Variants in CRYBG1 observed in about 807,000 individuals in gnomAD.
The protein encoded by CRYBG1 is crystallin beta-gamma domain containing 1, also known as beta/gamma crystallin domain-containing protein 1.
In CRYBG1, 139 loss-of-function variants were observed where a neutral mutation model predicts 189.2. The observed-to-expected ratio is 0.73, with a 90% CI of 0.64 to 0.85. The LOEUF (loss-of-function observed/expected upper bound fraction) is 0.85, where lower values mean the gene tolerates loss of function less well. Among genes scored for constraint, CRYBG1 ranks in the 40% least tolerant of loss-of-function variants. The pLI, the probability that CRYBG1 is intolerant of heterozygous loss-of-function variation, is 0.00. For synonymous variants in CRYBG1, 1,023 were observed against 1,017.1 expected, an observed-to-expected ratio of 1.01 and a Z score of -0.11; for missense variants, 2,611 against 2,675.8, an observed-to-expected ratio of 0.98 and a Z score of 0.53.
chr6:106,509,237 G>T (rs189741435), intron 2 of CRYBG1, among the ~76,000 whole-genome samples: 5 of 152,276 alleles, frequency 3.3e-5, no homozygotes, highest in Non-Finnish European at 7.4e-5. Flanking sequence ...CTACCTAGCT[G>T]TTGGGAAGAT....
intron 1 of CRYBG1, among the ~76,000 whole-genome samples, chr6:106,364,931 C>T (rs1771953000): frequency 6.6e-6 from 1 of 152,186 alleles, no homozygotes; most frequent in Non-Finnish European, 1.5e-5. Context: ...TTCAAGTGCT[C>T]AGAACAGTGG....
chr6:106,399,209 A>G (rs1452717914), intron 1 of CRYBG1, among the ~76,000 whole-genome samples: 1 of 152,262 alleles, frequency 6.6e-6, no homozygotes, highest in Non-Finnish European at 1.5e-5. Context: ...CCTTTTGGTC[A>G]GCCCTTTGTT....
Position 106,432,840 on chromosome 6 carries a change from C to CTTTT in CRYBG1, c.174-18840_174-18837dup, listed in dbSNP as rs5878888. On this transcript the variant is annotated intron_variant, in intron 1 of 21. Transcript: ENST00000633556. ...ATACTATTTTCTTTTTCTTTTCTTTCTTTTTTTTTTTTTTTTTGAGACAGA... is the reference window on the plus strand; with the variant it reads ...ATACTATTTTCTTTTTCTTTTCTTTCTTTTTTTTTTTTTTTTTTTTTGAGACAGA... Among the ~76,000 whole-genome samples, 192 of 128,832 alleles carry CTTTT rather than the reference C, an allele frequency of 1.5e-3. 5 individuals are homozygous for CTTTT. The highest frequency in any genetic ancestry group is 2.2e-3 in the South Asian group (9 of 4,144). 84.5% of individuals were successfully genotyped at this position (128,832 alleles called of 152,430 possible).
At chr6:106,546,602 A>G (rs1278500987) in intron 13 of CRYBG1, among the ~76,000 whole-genome samples, 1 of 152,236 alleles carries the variant, frequency 6.6e-6, no homozygotes, top group Non-Finnish European at 1.5e-5. Flanking sequence ...CCATTTTGGC[A>G]GAGTATCAGT....
chr6:106,442,116 C>G (rs904741549), intron 1 of CRYBG1, among the ~76,000 whole-genome samples: 6 of 151,988 alleles, frequency 3.9e-5, no homozygotes, highest in Non-Finnish European at 8.8e-5. Flanking sequence ...AGTATATGAT[C>G]TATAAGAAAA....
At chr6:106,377,574 T>TA (rs1770192376) in intron 1 of CRYBG1, among the ~76,000 whole-genome samples, 1 of 146,754 alleles carries the variant, frequency 6.8e-6, no homozygotes, top group African/African-American at 2.6e-5. Context: ...GAGAGAATAT[T>TA]AAGGCTTATT....
At chr6:106,545,030 C>A (rs1774235470) in intron 13 of CRYBG1, 97 bp downstream of exon 13, 6 of 930,028 alleles carry the variant, frequency 6.5e-6, no homozygotes, top group Non-Finnish European at 9.6e-6. Context: ...ATTCAATACA[C>A]AAATATCTCA....
At chr6:106,541,970 G>A (rs1774140020) in intron 10 of CRYBG1, among the ~76,000 whole-genome samples, 1 of 151,940 alleles carries the variant, frequency 6.6e-6, no homozygotes, top group Non-Finnish European at 1.5e-5. Context: ...ACTTTTTTAA[G>A]ACAAACTTTC....
rs1025056005 is a variant in CRYBG1, at chr6:106,568,399, T to C, written c.6302-73T>C. The C allele has an allele frequency of 3.4e-6, 4 of 1,178,448 alleles. No individual in the cohort carries two copies. The African/African-American group carries it at 4.6e-5, about 13-fold the overall frequency. The allele number at this position is 1,178,448 out of a possible 1,614,324, so 73.0% of individuals were successfully genotyped here. A position where few individuals can be genotyped will look rare whatever the true frequency, so the allele number is the denominator to read the frequency against. On this transcript the variant is annotated intron_variant, in intron 21 of 21. Coordinates refer to ENST00000633556, the MANE Select transcript of CRYBG1 (RefSeq NM_001371242.2). Reference sequence around the variant, plus strand: ...CTTGCTTACTTTTGCTGTACTGGTGTTAGGGGAATTGTGTCTGCTATAGAC... The same window carrying C: ...CTTGCTTACTTTTGCTGTACTGGTGCTAGGGGAATTGTGTCTGCTATAGAC...
Position 106,520,203 on chromosome 6 carries a change from G to A in CRYBG1, c.2995G>A (p.Val999Ile), listed in dbSNP as rs185862711. 1.1e-4 allele frequency: 183 copies of A among 1,614,120 alleles called. No individual in the cohort carries two copies. The East Asian group carries it at 2.6e-3, about 23-fold the overall frequency. Residue 999 changes from valine (V) to isoleucine (I), a missense_variant, in exon 4 of 22, where the codon GTT becomes ATT. Physicochemically the swap from Val to Ile is conservative, Grantham distance 29. This residue lies in a region of CRYBG1 where 1,622 missense variants were observed against 1,735.0 expected (regional missense o/e 0.93). Transcript: ENST00000633556. ...CHSNEPEVVSVASCAPPQEEV... is the reference protein window; with the variant it reads ...CHSNEPEVVSIASCAPPQEEV... The stretch of plus-strand genomic sequence containing the variant: ...CAGTAATGAACCTGAAGTGGTTTCC[G>A]TTGCAAGTTGTGCTCCCCCACAAGA...
intron 3 of CRYBG1, among the ~76,000 whole-genome samples, chr6:106,514,611 C>T (rs1008479631): frequency 3.3e-5 from 5 of 152,148 alleles, no homozygotes; most frequent in African/African-American, 1.2e-4. Flanking sequence ...GCTAAAGCCT[C>T]CTAAATGTGA....
chr6:106,458,064 T>C (rs1771926683), intron 2 of CRYBG1, among the ~76,000 whole-genome samples: 2 of 152,264 alleles, frequency 1.3e-5, no homozygotes, highest in African/African-American at 4.8e-5. Context: ...TGTGTACTTT[T>C]TAATACTTTT....
chr6:106,486,996 C>T (rs9400018), intron 2 of CRYBG1, among the ~76,000 whole-genome samples: 18,633 of 151,942 alleles, frequency 0.12, 1,300 homozygotes, highest in East Asian at 0.27. Flanking sequence ...TTTTCTTTCT[C>T]TTTTTGTTGT....
At chr6:106,405,605 A>G (rs1189140091) in intron 1 of CRYBG1, among the ~76,000 whole-genome samples, 1 of 152,206 alleles carries the variant, frequency 6.6e-6, no homozygotes, top group Non-Finnish European at 1.5e-5. Flanking sequence ...ACCTTCCCGC[A>G]GGGGTCAGCA....
chr6:106,554,210 T>C (rs1180942851), intron 16 of CRYBG1, among the ~76,000 whole-genome samples: 2 of 152,224 alleles, frequency 1.3e-5, no homozygotes, highest in Non-Finnish European at 2.9e-5. Context: ...TTTAAGTCTC[T>C]TAATAATAGT....
chr6:106,409,476 C>G (rs1770885433), intron 1 of CRYBG1, among the ~76,000 whole-genome samples: 1 of 151,786 alleles, frequency 6.6e-6, no homozygotes, highest in African/African-American at 2.4e-5. Context: ...GAATGCTATT[C>G]CCATCAAGTT....
At chr6:106,370,623 G>A (rs540822727) in intron 1 of CRYBG1, among the ~76,000 whole-genome samples, 2 of 152,238 alleles carry the variant, frequency 1.3e-5, no homozygotes, top group African/African-American at 4.8e-5. Context: ...GGCTTATAAG[G>A]GTTCTGTGAA....
chr6:106,499,319 A>AT (rs1162297886), intron 2 of CRYBG1, among the ~76,000 whole-genome samples: 34,341 of 122,436 alleles, frequency 0.28, 5,152 homozygotes, highest in African/African-American at 0.37. Flanking sequence ...CACCCGGCTA[A>AT]TTTTTTTTTT....
intron 2 of CRYBG1, among the ~76,000 whole-genome samples, chr6:106,469,759 T>G (rs116784028): frequency 0.016 from 2,362 of 152,220 alleles, 45 homozygotes; most frequent in African/African-American, 0.054. Flanking sequence ...CCCCACTTAA[T>G]GGCATTAAAA....
Sources: gnomAD v4.1 joint callset for allele counts (sites outside exome capture counted in the v4.1 genomes callset) on GRCh38, gnomAD v4.1.1 for gene constraint, gnomAD v4.1.1 regional missense constraint, MANE v1.5 for transcripts, NCBI Gene and HGNC (gene_info 2026-07-23, HGNC 2026-07-21) for gene names.